TMEM132D: variants seen among roughly 807,000 people sequenced by gnomAD.
The protein encoded by TMEM132D is mature OL transmembrane protein.
TMEM132D carries 21 observed loss-of-function variants against 62.3 expected under a neutral mutation model. That is an observed-to-expected ratio of 0.34 (90% CI 0.24 to 0.49). The LOEUF is 0.49. Ranked by LOEUF, TMEM132D falls within the 20% of genes least tolerant of loss-of-function variation. The pLI, the probability that TMEM132D is intolerant of heterozygous loss-of-function variation, is 0.99. For missense variants in TMEM132D, 1,346 were observed against 1,402.8 expected (o/e 0.96, Z 0.65); for synonymous variants, 621 against 575.6 (o/e 1.08, Z -1.13).
At chr12:129,082,053 T>C (rs1298077404) in intron 6 of TMEM132D, 21 bp from the exon 7 acceptor site, 2 of 1,581,772 alleles carry the variant, frequency 1.3e-6, no homozygotes, top group South Asian at 2.3e-5. Context: ...AGCAGTGCAG[T>C]TTGCAGACAG....
At chr12:129,308,789 T>C (rs1210001763) in intron 4 of TMEM132D, among the ~76,000 whole-genome samples, 2 of 152,240 alleles carry the variant, frequency 1.3e-5, no homozygotes, top group Non-Finnish European at 2.9e-5. Flanking sequence ...TTCTTAGATA[T>C]ACACTTATAG....
At chr12:129,638,566 C>CATATATAAGTTATATATAA (rs1555223113) in intron 2 of TMEM132D, among the ~76,000 whole-genome samples, 3 of 109,752 alleles carry the variant, frequency 2.7e-5, no homozygotes, top group Non-Finnish European at 5.9e-5. Flanking sequence ...AATATATAAA[C>CATATATAAGTTATATATAA]ATATATAAAT....
chr12:129,523,143 T>C (rs1875905782), intron 3 of TMEM132D, among the ~76,000 whole-genome samples: 1 of 152,124 alleles, frequency 6.6e-6, no homozygotes, highest in Admixed American at 6.5e-5. Flanking sequence ...CACACACTTA[T>C]TGAAGCTGCA....
intron 1 of TMEM132D, among the ~76,000 whole-genome samples, chr12:129,834,913 G>A (rs1872956245): frequency 6.6e-6 from 1 of 152,152 alleles, no homozygotes; most frequent in Non-Finnish European, 1.5e-5. Flanking sequence ...GATGGTAAAT[G>A]GATACTATGG....
intron 1 of TMEM132D, among the ~76,000 whole-genome samples, chr12:129,738,392 A>C (rs970076929): frequency 2.6e-5 from 4 of 152,298 alleles, no homozygotes; most frequent in South Asian, 2.1e-4. Flanking sequence ...AGGAAGAAAA[A>C]AGAAAAGGAA....
At chr12:129,620,953 A>G (rs948368312) in intron 2 of TMEM132D, among the ~76,000 whole-genome samples, 9 of 152,206 alleles carry the variant, frequency 5.9e-5, no homozygotes, top group African/African-American at 1.7e-4. Flanking sequence ...AAATCTGCAC[A>G]TCCTGCACAT....
At chr12:129,446,768 A>C (rs1873109317) in intron 3 of TMEM132D, among the ~76,000 whole-genome samples, 1 of 152,162 alleles carries the variant, frequency 6.6e-6, no homozygotes, top group South Asian at 2.1e-4. Context: ...ATTTTTCACA[A>C]TTTCCCCCTC....
intron 3 of TMEM132D, among the ~76,000 whole-genome samples, chr12:129,350,414 C>G (rs1869826479): frequency 6.6e-6 from 1 of 152,174 alleles, no homozygotes; most frequent in Non-Finnish European, 1.5e-5. Context: ...GTTGGGTCCA[C>G]TTATCTCGAA....
rs368991924 is a variant in TMEM132D, at chr12:129,866,553, C to T, written c.79+36708G>A. On this transcript the variant is annotated intron_variant, in intron 1 of 8. Transcript: ENST00000422113. ...CACATGTATACATATGTAACAAACC[C>T]GCATGTTGTGCACATGTACCCTAGA... is the stretch of plus-strand genomic sequence containing the variant. Among the ~76,000 whole-genome samples the T allele has an allele frequency of 1.2e-4, 18 of 151,278 alleles. No homozygotes were observed. The East Asian group carries it at 3.1e-3, about 26-fold the overall frequency.
At chr12:129,180,977 G>A (rs977389014) in intron 5 of TMEM132D, among the ~76,000 whole-genome samples, 8 of 152,234 alleles carry the variant, frequency 5.3e-5, no homozygotes, top group Non-Finnish European at 1.0e-4. Flanking sequence ...AGCATGATTC[G>A]ATGGAGGTTA....
intron 3 of TMEM132D, among the ~76,000 whole-genome samples, chr12:129,441,038 A>G (rs999838003): frequency 2.6e-5 from 4 of 152,234 alleles, no homozygotes; most frequent in East Asian, 1.9e-4. Flanking sequence ...TGGGTGACAT[A>G]TAAGTCAGGG....
At chr12:129,186,114 C>G (rs904732456) in intron 5 of TMEM132D, among the ~76,000 whole-genome samples, 1 of 152,186 alleles carries the variant, frequency 6.6e-6, no homozygotes, top group African/African-American at 2.4e-5. Flanking sequence ...GAGCCTCTGA[C>G]TGTTCCGCTG....
At chr12:129,362,056 C>G (rs186834296) in intron 3 of TMEM132D, among the ~76,000 whole-genome samples, 241 of 152,300 alleles carry the variant, frequency 1.6e-3, no homozygotes, top group Middle Eastern at 0.01. Flanking sequence ...ACTGGTTTCA[C>G]TTAGTCTTTA....
chr12:129,249,987 C>T (rs906682415), intron 4 of TMEM132D, among the ~76,000 whole-genome samples: 3 of 152,106 alleles, frequency 2.0e-5, no homozygotes, highest in African/African-American at 7.2e-5. Flanking sequence ...CCAGAGAGAG[C>T]CTTGTAGAGG....
chr12:129,871,687 T>G (rs1874247907), intron 1 of TMEM132D, among the ~76,000 whole-genome samples: 1 of 152,088 alleles, frequency 6.6e-6, no homozygotes, highest in African/African-American at 2.4e-5. Flanking sequence ...CTTCAAGAAT[T>G]TAGCAAGTCA....
chr12:129,274,842 G>A (rs1454230587), intron 4 of TMEM132D, among the ~76,000 whole-genome samples: 1 of 152,204 alleles, frequency 6.6e-6, no homozygotes, highest in African/African-American at 2.4e-5. Context: ...AGCCGAGATA[G>A]CGCCACTGCA....
At chr12:129,321,960 G>T (rs1868732301) in intron 4 of TMEM132D, among the ~76,000 whole-genome samples, 1 of 152,160 alleles carries the variant, frequency 6.6e-6, no homozygotes, top group Non-Finnish European at 1.5e-5. Context: ...CATTGGCACT[G>T]TATATTCTTA....
intron 3 of TMEM132D, among the ~76,000 whole-genome samples, chr12:129,360,635 C>A (rs1870215088): frequency 6.6e-6 from 1 of 151,468 alleles, no homozygotes; most frequent in Admixed American, 6.6e-5. Flanking sequence ...ATCTGATCAC[C>A]CACCTGGGGA....
chr12:129,645,783 G>T (rs77038782), intron 2 of TMEM132D, among the ~76,000 whole-genome samples: 2,258 of 152,230 alleles, frequency 0.015, 18 homozygotes, highest in Non-Finnish European at 0.023. Flanking sequence ...GTGACCTCTG[G>T]TTACCCTTGC....
Sources: gnomAD v4.1 joint callset for allele counts (sites outside exome capture counted in the v4.1 genomes callset) on GRCh38, gnomAD v4.1.1 for gene constraint, MANE v1.5 for transcripts, NCBI Gene and HGNC (gene_info 2026-07-23, HGNC 2026-07-21) for gene names.